The following HPGDS variants were observed in gnomAD, a reference collection of about 807,000 sequenced individuals.
HPGDS encodes GST class-sigma.
Under a neutral mutation model 23.1 loss-of-function variants are expected in HPGDS, and 26 were observed. The observed-to-expected ratio is 1.13, with a 90% confidence interval of 0.83 to 1.56. HPGDS has a LOEUF of 1.56. Ranked by LOEUF, HPGDS falls within the 40% of genes most tolerant of loss-of-function variation. The pLI is 0.00. For missense variants in HPGDS, 268 were observed against 236.4 expected, an observed-to-expected ratio of 1.13 and a Z score of -0.88; for synonymous variants, 95 against 77.9, an observed-to-expected ratio of 1.22 and a Z score of -1.16.
At chr4:94,315,947 A>G (rs1756388748) in intron 3 of HPGDS, among the ~76,000 whole-genome samples, 1 of 152,156 alleles carries the variant, frequency 6.6e-6, no homozygotes, top group South Asian at 2.1e-4. Flanking sequence ...CCTTTTGGAT[A>G]TATCTCTGAT....
intron 1 of HPGDS, among the ~76,000 whole-genome samples, chr4:94,337,612 T>G (rs961054531): frequency 6.6e-6 from 1 of 151,982 alleles, no homozygotes; most frequent in Non-Finnish European, 1.5e-5. Flanking sequence ...GAGGCAGAGG[T>G]TGCAGTGAGC....
At chr4:94,341,797 G>C (rs1378301157) in intron 1 of HPGDS, among the ~76,000 whole-genome samples, 1 of 152,166 alleles carries the variant, frequency 6.6e-6, no homozygotes, top group Non-Finnish European at 1.5e-5. Flanking sequence ...TAATGGCCTA[G>C]AGCATGTTTA....
intron 2 of HPGDS, among the ~76,000 whole-genome samples, chr4:94,330,954 C>A (rs1756724989): frequency 6.6e-6 from 1 of 152,094 alleles, no homozygotes; most frequent in African/African-American, 2.4e-5. Context: ...CCAGGGGAGG[C>A]CTCATGATCA....
At chr4:94,312,102 T>C (rs945760601) in intron 3 of HPGDS, among the ~76,000 whole-genome samples, 4 of 152,168 alleles carry the variant, frequency 2.6e-5, no homozygotes, top group Non-Finnish European at 4.4e-5. Flanking sequence ...CCTGGATTCA[T>C]TGATTTTTTG....
At chr4:94,310,202 G>C (rs558688428) in intron 3 of HPGDS, among the ~76,000 whole-genome samples, 1 of 152,290 alleles carries the variant, frequency 6.6e-6, no homozygotes, top group African/African-American at 2.4e-5. Context: ...TGAAGTCCCT[G>C]CCCATGCCTA....
intron 1 of HPGDS, among the ~76,000 whole-genome samples, chr4:94,339,059 G>C (rs1721083351): frequency 6.6e-6 from 1 of 152,168 alleles, no homozygotes; most frequent in Non-Finnish European, 1.5e-5. Flanking sequence ...CATAGAGTGA[G>C]GACTAAATGG....
At chr4:94,313,449 A>G (rs1010987040) in intron 3 of HPGDS, among the ~76,000 whole-genome samples, 10 of 152,206 alleles carry the variant, frequency 6.6e-5, no homozygotes, top group Admixed American at 5.2e-4. Context: ...TTTCTTTAAG[A>G]ATGTTGAATA....
At chr4:94,313,185 G>A (rs1039020506) in intron 3 of HPGDS, among the ~76,000 whole-genome samples, 4 of 152,194 alleles carry the variant, frequency 2.6e-5, no homozygotes, top group Non-Finnish European at 4.4e-5. Context: ...TCATTATGAT[G>A]TTAGCTGGTT....
chr4:94,301,217 T>C (rs1756034506), intron 5 of HPGDS, among the ~76,000 whole-genome samples: 1 of 152,094 alleles, frequency 6.6e-6, no homozygotes, highest in African/African-American at 2.4e-5. Flanking sequence ...AGCAGTCTTA[T>C]CTCCCAAAAT....
At chr4:94,303,361 G>T (rs1278154632) in intron 4 of HPGDS, among the ~76,000 whole-genome samples, 1 of 152,016 alleles carries the variant, frequency 6.6e-6, no homozygotes, top group African/African-American at 2.4e-5. Flanking sequence ...CTTGAGATTT[G>T]GTATGCTCAA....
chr4:94,326,179 T>G (rs563807804), intron 2 of HPGDS, among the ~76,000 whole-genome samples: 20 of 152,274 alleles, frequency 1.3e-4, no homozygotes, highest in African/African-American at 4.6e-4. Context: ...CAGTTTGACT[T>G]TAATGTTTAA....
chr4:94,301,055 G>A (rs758426554), intron 5 of HPGDS, among the ~76,000 whole-genome samples: 7 of 152,110 alleles, frequency 4.6e-5, no homozygotes, highest in Non-Finnish European at 1.0e-4. Flanking sequence ...AGGGAGAGGA[G>A]CATTTTAGTA....
chr4:94,318,509 T>C (rs976464107), intron 2 of HPGDS, among the ~76,000 whole-genome samples: 1 of 152,182 alleles, frequency 6.6e-6, no homozygotes, highest in South Asian at 2.1e-4. Flanking sequence ...GACCATGTTG[T>C]TTAATTTCCA....
At chr4:94,309,050 CTTTTTT>C (rs34427506) in intron 3 of HPGDS, among the ~76,000 whole-genome samples, 3 of 31,016 alleles carry the variant, frequency 9.7e-5, no homozygotes, top group African/African-American at 1.3e-4. Flanking sequence ...GGTGTACTTG[CTTTTTT>C]TTTTTTTTTT....
At chr4:94,319,539 T>A (rs1560590030) in intron 2 of HPGDS, among the ~76,000 whole-genome samples, 1 of 152,242 alleles carries the variant, frequency 6.6e-6, no homozygotes, top group African/African-American at 2.4e-5. Context: ...GGCTTATTTA[T>A]CTTTGTGATT....
intron 2 of HPGDS, among the ~76,000 whole-genome samples, chr4:94,322,956 C>T (rs1274678415): frequency 2.0e-5 from 3 of 152,246 alleles, no homozygotes; most frequent in South Asian, 4.1e-4. Context: ...GATTCTGGTA[C>T]ATTGTGTCTT....
At chr4:94,337,172 G>A (rs2126046572) in intron 1 of HPGDS, among the ~76,000 whole-genome samples, 1 of 152,002 alleles carries the variant, frequency 6.6e-6, no homozygotes, top group African/African-American at 2.4e-5. Flanking sequence ...ACTTATGTTG[G>A]CCAGACTGGT....
chr4:94,301,887 T>G (rs1237461174), intron 5 of HPGDS, among the ~76,000 whole-genome samples: 1 of 152,158 alleles, frequency 6.6e-6, no homozygotes, highest in Non-Finnish European at 1.5e-5. Flanking sequence ...GCACCTCTTT[T>G]GCATAGTTAG....
At chr4:94,313,932 G>T (rs1309214931) in intron 3 of HPGDS, among the ~76,000 whole-genome samples, 1 of 152,132 alleles carries the variant, frequency 6.6e-6, no homozygotes, top group Admixed American at 6.5e-5. Context: ...GATCAAACCA[G>T]CTACTGAAGC....
Sources: allele counts gnomAD v4.1 joint callset (sites outside exome capture counted in the v4.1 genomes callset), GRCh38; gene constraint gnomAD v4.1.1; transcripts MANE v1.5; gene names NCBI Gene and HGNC (gene_info 2026-07-23, HGNC 2026-07-21).